The following C16orf95 variants were observed in gnomAD, a reference collection of about 807,000 sequenced individuals.
C16orf95 encodes the protein chromosome 16 open reading frame 95, also known as uncharacterized protein C16orf95.
In C16orf95, 41 loss-of-function variants were observed where a neutral mutation model predicts 32.1. The ratio of observed to expected loss-of-function variants is 1.28; its 90% CI spans 1.00 to 1.66. The LOEUF (loss-of-function observed/expected upper bound fraction) is 1.66. C16orf95 is among the 40% of genes most tolerant of loss of function. C16orf95 has a pLI of 0.00. For missense variants in C16orf95, 399 were observed against 325.9 expected (o/e 1.22, Z -1.73); for synonymous variants, 147 against 128.9 (o/e 1.14, Z -0.95).
At chr16:87,316,317 G>A (rs1183001518) in intron 1 of C16orf95, among the ~76,000 whole-genome samples, 1 of 152,056 alleles carries the variant, frequency 6.6e-6, no homozygotes, top group Non-Finnish European at 1.5e-5. Context: ...AAGCACTTGG[G>A]GTTACACAGC....
At chr16:87,306,392 C>T (rs962288642) in intron 5 of C16orf95, among the ~76,000 whole-genome samples, 5 of 152,226 alleles carry the variant, frequency 3.3e-5, no homozygotes, top group African/African-American at 7.2e-5. Flanking sequence ...TGATGCTCTT[C>T]GGCACTTTCT....
At chr16:87,315,416 A>G (rs1316321970) in intron 2 of C16orf95, among the ~76,000 whole-genome samples, 1 of 152,156 alleles carries the variant, frequency 6.6e-6, no homozygotes, top group Non-Finnish European at 1.5e-5. Flanking sequence ...TTATGCGCAC[A>G]TGAGTGCTGC....
At chr16:87,304,546 C>T (rs1471665962) in intron 6 of C16orf95, among the ~76,000 whole-genome samples, 1 of 152,264 alleles carries the variant, frequency 6.6e-6, no homozygotes, top group Non-Finnish European at 1.5e-5. Context: ...GGAAAGCTCT[C>T]GCTGTTGCCC....
intron 3 of C16orf95, among the ~76,000 whole-genome samples, chr16:87,312,531 T>G (rs1911328293): frequency 7.4e-6 from 1 of 134,344 alleles, no homozygotes; most frequent in Non-Finnish European, 1.5e-5. Flanking sequence ...ATCATGCCAC[T>G]GCACTCCAGC....
chr16:87,305,568 A>G lies in C16orf95; in HGVS notation c.701+151T>C, dbSNP rs879849849. 1 of 556,912 alleles carries G rather than the reference A, an allele frequency of 1.8e-6. No individual in the cohort carries two copies. Among genetic ancestry groups the G allele is most frequent in the Non-Finnish European group, 2.9e-6 (1 of 347,480 alleles). 34.5% of individuals were successfully genotyped at this position (556,912 alleles called of 1,614,324 possible). A position where few individuals can be genotyped will look rare whatever the true frequency, so the allele number is the denominator to read the frequency against. On this transcript the variant is annotated intron_variant, in intron 6 of 6. Coordinates refer to ENST00000567970, the MANE Select transcript of C16orf95 (RefSeq NM_001195124.3). This position sits in a 1 kb window ranked among gnomAD's most constrained non-coding sequence, Gnocchi z 4.2. ...CAGAGCCTGCGCTGTGCAGAGCACC[A>G]CAGGACACACTCACAGTGCCGGGCC...
At chr16:87,313,049 A>G (rs1285473162) in intron 3 of C16orf95, among the ~76,000 whole-genome samples, 2 of 152,198 alleles carry the variant, frequency 1.3e-5, no homozygotes, top group East Asian at 1.9e-4. Context: ...GAAATGTATC[A>G]TGTTTATGGG....
At position 87,305,532 on chromosome 16, in the gene C16orf95, G is replaced by A. The variant is rs973549755; in HGVS notation, c.701+187C>T. The stretch of plus-strand genomic sequence containing the variant: ...CCCCAGGCTGCCCTGGCATCTCTAG[G>A]TGACGCGGGGCAGAGCCTGCGCTGT... On this transcript the variant is annotated intron_variant, in intron 6 of 6. Transcript: ENST00000567970. This position sits in a 1 kb window ranked among gnomAD's most constrained non-coding sequence, Gnocchi z 4.2. 6.8e-6 allele frequency among the ~76,000 whole-genome samples: 1 copy of A among 146,098 alleles called. No homozygotes were observed. The highest frequency in any genetic ancestry group is 2.5e-5 in the African/African-American group (1 of 40,200).
intron 3 of C16orf95, among the ~76,000 whole-genome samples, chr16:87,313,658 AG>A: frequency 6.6e-6 from 1 of 152,196 alleles, no homozygotes; most frequent in East Asian, 1.9e-4. Flanking sequence ...TGCTTGAGCT[AG>A]GGAGTTCAAG....
intron 2 of C16orf95, among the ~76,000 whole-genome samples, 187 bp downstream of exon 2, chr16:87,315,585 G>C (rs528910963): frequency 1.7e-4 from 26 of 152,364 alleles, no homozygotes; most frequent in Non-Finnish European, 2.9e-4. Flanking sequence ...GTGGCCTCCT[G>C]AACTCTGAGG....
In C16orf95 at chr16:87,305,826, C is replaced by T; in HGVS notation, c.594G>A (p.Gln198=). The change falls in exon 6 of 7, where the codon CAG becomes CAA. Residue 198 remains glutamine, a synonymous_variant. Transcript: ENST00000567970. The surrounding 1 kb of genome is among the most constrained non-coding windows in gnomAD (Gnocchi z 4.2). ...GDECLLSKFQ[Q]LQAPYQDQLP... is the part of the protein sequence containing the mutation. ...GCTGGTCCTGGTAGGGGGCCTGGAG[C>T]TGCTGGAACTTGGACAACAGGCACT... 6.7e-7 allele frequency: 1 copy of T among 1,494,022 alleles called. No homozygotes were observed. Among genetic ancestry groups the T allele is most frequent in the East Asian group, 2.6e-5 (1 of 38,538 alleles). 92.5% of individuals were successfully genotyped at this position (1,494,022 alleles called of 1,614,324 possible).
intron 2 of C16orf95, 115 bp downstream of exon 2, chr16:87,315,657 G>C: frequency 2.5e-6 from 2 of 802,788 alleles, no homozygotes; most frequent in Non-Finnish European, 3.7e-6. Flanking sequence ...CCACACTTTT[G>C]TGTTTGGAGG....
At chr16:87,309,913 T>C (rs1053413440) in intron 5 of C16orf95, among the ~76,000 whole-genome samples, 1 of 152,162 alleles carries the variant, frequency 6.6e-6, no homozygotes, top group Admixed American at 6.5e-5. Flanking sequence ...GAGTATATAA[T>C]AGGGTACACA....
chr16:87,313,714 T>G, intron 3 of C16orf95, among the ~76,000 whole-genome samples: 1 of 151,946 alleles, frequency 6.6e-6, no homozygotes, highest in East Asian at 1.9e-4. Context: ...GGCAACAGAG[T>G]GAGGCCCGGT....
chr16:87,310,669 G>A (rs980055468), intron 4 of C16orf95, among the ~76,000 whole-genome samples: 3 of 152,196 alleles, frequency 2.0e-5, no homozygotes, highest in African/African-American at 7.2e-5. Context: ...CAAGAGCAGA[G>A]AGGACAGGCC....
chr16:87,311,280 T>C lies in C16orf95; in HGVS notation c.347A>G (p.Gln116Arg). 1.3e-6 allele frequency: 2 copies of C among 1,534,528 alleles called. No homozygotes were observed. The highest frequency in any genetic ancestry group is 1.7e-6 in the Non-Finnish European group (2 of 1,145,816). The change falls in exon 4 of 7, where the codon CAA becomes CGA. Residue 116 changes from glutamine (Q) to arginine (R), a missense_variant. Gln to Arg is a conservative substitution (Grantham distance 43). Coordinates refer to ENST00000567970, the MANE Select transcript of C16orf95 (RefSeq NM_001195124.3). Reference protein sequence around the residue: ...RPRKQSQKTVQFPIPQTAKMC... With the variant: ...RPRKQSQKTVRFPIPQTAKMC... ...CTTGGCGGTTTGGGGGATAGGAAAT[T>C]GAACCGTCTTTTGACTCTAACAGAG...
Position 87,305,733 on chromosome 16 carries a change from G to C in C16orf95, c.687C>G (p.Val229=), listed in dbSNP as rs942021832. Residue 229 remains valine (V), a synonymous_variant, in exon 6 of 7, where the codon GTC becomes GTG. Coordinates refer to ENST00000567970, the MANE Select transcript of C16orf95 (RefSeq NM_001195124.3). The surrounding 1 kb of genome is among the most constrained non-coding windows in gnomAD (Gnocchi z 4.2). ...LLTLLQAIPR[V]IMAIRQCFGV ...CACCTGCTCACCGAATGGCCATGAT[G>C]ACCCTCGGGATGGCCTGGAGGAGGG... The C allele has an allele frequency of 1.9e-5, 28 of 1,507,682 alleles. No individual in the cohort carries two copies. The Admixed American group carries it at 4.2e-4, about 22-fold the overall frequency. The allele number at this position is 1,507,682 out of a possible 1,614,324, so 93.4% of individuals were successfully genotyped here. A position where few individuals can be genotyped will look rare whatever the true frequency, so the allele number is the denominator to read the frequency against.
chr16:87,310,178 A>C, intron 5 of C16orf95, 119 bp downstream of exon 5: 1 of 1,008,660 alleles, frequency 9.9e-7, no homozygotes, highest in South Asian at 1.4e-5. Context: ...CATTCATGTC[A>C]CTGTCACACT....
rs143161296 is a variant in C16orf95, at chr16:87,303,139, G to A, written c.702-64C>T. 1,024 of 1,506,260 alleles carry A rather than the reference G, an allele frequency of 6.8e-4. 5 individuals carry two copies. The African/African-American group carries it at 0.011, about 16-fold the overall frequency. 93.3% of individuals were successfully genotyped at this position (1,506,260 alleles called of 1,614,324 possible). On this transcript the variant is annotated intron_variant, in intron 6 of 6. Transcript: ENST00000567970. Reference sequence around the variant, plus strand: ...CAGGCTGAGACCAGCTGCCCTCAGCGCGTGCCCTTGGGAAACCTCCATGAG... The same window carrying A: ...CAGGCTGAGACCAGCTGCCCTCAGCACGTGCCCTTGGGAAACCTCCATGAG...
At chr16:87,316,474 G>C (rs917702338) in intron 1 of C16orf95, among the ~76,000 whole-genome samples, 2 of 152,184 alleles carry the variant, frequency 1.3e-5, no homozygotes, top group South Asian at 2.1e-4. Context: ...CGATATAAGT[G>C]TTTTTGGGTT....
Sources: gnomAD v4.1 joint callset for allele counts (sites outside exome capture counted in the v4.1 genomes callset) on GRCh38, gnomAD v4.1.1 for gene constraint, Gnocchi (gnomAD v3.1) non-coding constraint, MANE v1.5 for transcripts, NCBI Gene and HGNC (gene_info 2026-07-23, HGNC 2026-07-21) for gene names.